The following BNC2 variants were observed in gnomAD, a reference collection of about 807,000 sequenced individuals.
The protein encoded by BNC2 is zinc finger protein basonuclin-2.
A neutral mutation model predicts 76.3 loss-of-function variants in BNC2; 20 were observed. The ratio of observed to expected loss-of-function variants is 0.26; its 90% CI spans 0.18 to 0.38. The LOEUF is 0.38. BNC2 is among the 10% of genes least tolerant of loss of function. The pLI, the probability that BNC2 is intolerant of heterozygous loss-of-function variation, is 1.00. For synonymous variants in BNC2, 582 were observed against 514.8 expected, an observed-to-expected ratio of 1.13 and a Z score of -1.77; for missense variants, 1,382 against 1,399.8, an observed-to-expected ratio of 0.99 and a Z score of 0.20.
intron 3 of BNC2, among the ~76,000 whole-genome samples, chr9:16,711,971 T>A (rs142947925): frequency 6.6e-6 from 1 of 152,338 alleles, no homozygotes; most frequent in African/African-American, 2.4e-5. Flanking sequence ...GCAAATCATT[T>A]AGGAAAGTAA....
chr9:16,679,205 T>C (rs1038469250), intron 3 of BNC2, among the ~76,000 whole-genome samples: 4 of 152,284 alleles, frequency 2.6e-5, no homozygotes, highest in Admixed American at 6.5e-5. Context: ...GGCTTGCTTC[T>C]TTCTGCCCAT....
At chr9:16,845,079 G>A (rs1215671969) in intron 1 of BNC2, among the ~76,000 whole-genome samples, 1 of 152,164 alleles carries the variant, frequency 6.6e-6, no homozygotes, top group Non-Finnish European at 1.5e-5. Flanking sequence ...ACAGCGAACT[G>A]ATGAGTAGGA....
At chr9:16,755,041 C>G (rs10810607) in intron 1 of BNC2, among the ~76,000 whole-genome samples, 70,945 of 152,146 alleles carry the variant, frequency 0.47, 20,642 homozygotes, top group Non-Finnish European at 0.66. Context: ...TATGGGAGAG[C>G]AAAGCATCTG....
chr9:16,426,314 A>AC (rs1441715591), intron 6 of BNC2, among the ~76,000 whole-genome samples: 1 of 146,470 alleles, frequency 6.8e-6, no homozygotes, highest in Non-Finnish European at 1.5e-5. Flanking sequence ...GGCATGTGCC[A>AC]CCATGCCCAG....
intron 1 of BNC2, among the ~76,000 whole-genome samples, chr9:16,865,020 G>A (rs145662138): frequency 8.9e-4 from 110 of 124,146 alleles, no homozygotes; most frequent in African/African-American, 3.2e-3. Context: ...CTGGGTACAC[G>A]TCTGGCTTTG....
chr9:16,481,565 C>T (rs749305526), intron 5 of BNC2, among the ~76,000 whole-genome samples: 4 of 152,152 alleles, frequency 2.6e-5, no homozygotes, highest in African/African-American at 7.2e-5. Context: ...CGCGAGGGTC[C>T]GCGACTTCAT....
chr9:16,825,026 A>T (rs1013554570), intron 1 of BNC2, among the ~76,000 whole-genome samples: 1 of 137,204 alleles, frequency 7.3e-6, no homozygotes, highest in African/African-American at 2.7e-5. Context: ...AACAAATCAC[A>T]TCTTTTTTCT....
chr9:16,774,076 G>A (rs1825899560), intron 1 of BNC2, among the ~76,000 whole-genome samples: 1 of 152,066 alleles, frequency 6.6e-6, no homozygotes. Context: ...TTGTCTCCCA[G>A]GCTCAAGGGA....
chr9:16,766,023 G>A (rs1031590849), intron 1 of BNC2, among the ~76,000 whole-genome samples: 5 of 152,020 alleles, frequency 3.3e-5, no homozygotes, highest in Non-Finnish European at 5.9e-5. Context: ...TCCTGACCTC[G>A]TGATCCGCCC....
chr9:16,836,548 G>T (rs1818712059), intron 1 of BNC2, among the ~76,000 whole-genome samples: 2 of 150,184 alleles, frequency 1.3e-5, no homozygotes, highest in Non-Finnish European at 1.5e-5. Flanking sequence ...TAGAAAACCA[G>T]TTCAAGAATA....
chr9:16,754,556 A>AT (rs35261422), intron 1 of BNC2, among the ~76,000 whole-genome samples: 59,702 of 150,978 alleles, frequency 0.4, 14,780 homozygotes, highest in East Asian at 0.9. Flanking sequence ...TCAAATAGTC[A>AT]TTTTTTTTTC....
intron 3 of BNC2, among the ~76,000 whole-genome samples, chr9:16,650,946 T>C (rs925627422): frequency 3.3e-5 from 5 of 152,200 alleles, no homozygotes; most frequent in African/African-American, 9.6e-5. Context: ...TAATTTTATC[T>C]TGCTTTTCTT....
At chr9:16,528,830 A>G (rs1035008775) in intron 5 of BNC2, among the ~76,000 whole-genome samples, 2 of 152,204 alleles carry the variant, frequency 1.3e-5, no homozygotes, top group African/African-American at 4.8e-5. Context: ...ATCTCTCTAT[A>G]CTAACGTGGA....
At chr9:16,861,841 T>A (rs559644227) in intron 1 of BNC2, among the ~76,000 whole-genome samples, 8 of 152,074 alleles carry the variant, frequency 5.3e-5, no homozygotes, top group Non-Finnish European at 1.2e-4. Flanking sequence ...TACAAAAAAT[T>A]AGCCAGTCAT....
intron 3 of BNC2, among the ~76,000 whole-genome samples, chr9:16,592,068 T>C (rs920059283): frequency 4.0e-5 from 6 of 151,774 alleles, no homozygotes; most frequent in African/African-American, 1.5e-4. Flanking sequence ...GGCAACATGG[T>C]AAAAGACAAA....
At chr9:16,835,610 G>A (rs7048075) in intron 1 of BNC2, among the ~76,000 whole-genome samples, 3 of 152,186 alleles carry the variant, frequency 2.0e-5, no homozygotes, top group African/African-American at 7.2e-5. Flanking sequence ...CTGAGGCAAG[G>A]AGAATCACTT....
intron 4 of BNC2, among the ~76,000 whole-genome samples, chr9:16,567,054 A>G (rs932638299): frequency 6.6e-6 from 1 of 152,208 alleles, no homozygotes; most frequent in African/African-American, 2.4e-5. Context: ...TAAACTGGCA[A>G]TTTTATGGCT....
At chr9:16,790,233 G>A (rs962211480) in intron 1 of BNC2, among the ~76,000 whole-genome samples, 8 of 152,240 alleles carry the variant, frequency 5.3e-5, no homozygotes, top group East Asian at 3.9e-4. Context: ...TACTGACCTC[G>A]TGATCCGCCC....
chr9:16,658,294 T>C lies in BNC2; in HGVS notation c.330+69503A>G, dbSNP rs74995422. On this transcript the variant is annotated intron_variant, in intron 3 of 6. Coordinates refer to ENST00000380672, the MANE Select transcript of BNC2 (RefSeq NM_017637.6). ...CAAAACATGGAAACAGCTATAAGGC[T>C]GGAGAATTTGGAGTCAGGGGGAGTA... Among the ~76,000 whole-genome samples the C allele has an allele frequency of 3.9e-3, 589 of 151,824 alleles. 1 individual carries two copies. Among genetic ancestry groups the C allele is most frequent in the African/African-American group, 0.014 (574 of 41,392 alleles).
Sources: gnomAD v4.1 joint callset for allele counts (sites outside exome capture counted in the v4.1 genomes callset) on GRCh38, gnomAD v4.1.1 for gene constraint, MANE v1.5 for transcripts, NCBI Gene and HGNC (gene_info 2026-07-23, HGNC 2026-07-21) for gene names.